Variants in SPMAP2L observed in about 807,000 individuals in gnomAD.
The protein encoded by SPMAP2L is sperm microtubule associated protein 2 like, also known as sperm microtubule associated protein 2-like.
chr4:56,568,224 T>G, the SPMAP2L span, among the ~76,000 whole-genome samples: 16 of 152,238 alleles, frequency 1.1e-4, no homozygotes, highest in Non-Finnish European at 2.2e-4. Flanking sequence ...TTACAATAGC[T>G]GTTTTAATGT....
At chr4:56,531,420 T>C in the SPMAP2L span, among the ~76,000 whole-genome samples, 1 of 152,214 alleles carries the variant, frequency 6.6e-6, no homozygotes, top group African/African-American at 2.4e-5. Flanking sequence ...TGTCTTCCAC[T>C]GCTATCTAAT....
chr4:56,589,966 AAC>A, the SPMAP2L span, among the ~76,000 whole-genome samples: 3 of 152,180 alleles, frequency 2.0e-5, no homozygotes, highest in African/African-American at 4.8e-5. Context: ...TGCAAACAGT[AAC>A]AGTTTGACTT....
At chr4:56,595,735 A>C in the SPMAP2L span, 48 of 909,410 alleles carry the variant, frequency 5.3e-5, no homozygotes, top group Non-Finnish European at 8.4e-5. Context: ...TCTCTCCCTA[A>C]GTTTAAAGGA....
the SPMAP2L span, among the ~76,000 whole-genome samples, chr4:56,596,326 G>A: frequency 6.6e-6 from 1 of 152,176 alleles, no homozygotes; most frequent in Non-Finnish European, 1.5e-5. Context: ...TCTTGTTTGA[G>A]AAAGATAGAA....
At chr4:56,544,684 A>C in the SPMAP2L span, among the ~76,000 whole-genome samples, 2 of 151,926 alleles carry the variant, frequency 1.3e-5, no homozygotes, top group African/African-American at 4.8e-5. Flanking sequence ...CGAGCCCCGC[A>C]GCCCTCCAGC....
chr4:56,543,361 A>G, the SPMAP2L span, among the ~76,000 whole-genome samples: 43,871 of 151,894 alleles, frequency 0.29, 6,515 homozygotes, highest in East Asian at 0.45. Flanking sequence ...CGGATTACAG[A>G]CGTGAGCCAC....
chr4:56,604,184 T>C, the SPMAP2L span, among the ~76,000 whole-genome samples: 1 of 152,184 alleles, frequency 6.6e-6, no homozygotes, highest in African/African-American at 2.4e-5. Context: ...TGGAATCAGA[T>C]AGAACCTGAA....
At chr4:56,575,807 A>C in the SPMAP2L span, among the ~76,000 whole-genome samples, 1 of 152,218 alleles carries the variant, frequency 6.6e-6, no homozygotes, top group Non-Finnish European at 1.5e-5. Flanking sequence ...AGGTAATCAG[A>C]AGTTCATCTT....
the SPMAP2L span, among the ~76,000 whole-genome samples, chr4:56,547,106 C>T: frequency 0.024 from 3,685 of 152,214 alleles, 148 homozygotes; most frequent in African/African-American, 0.078. Flanking sequence ...TCCTACAGTG[C>T]TCTATTTAAG....
At chr4:56,581,847 G>C in the SPMAP2L span, among the ~76,000 whole-genome samples, 1 of 152,156 alleles carries the variant, frequency 6.6e-6, no homozygotes, top group African/African-American at 2.4e-5. Flanking sequence ...AAACAGAATT[G>C]ATAGTGCAGA....
the SPMAP2L span, among the ~76,000 whole-genome samples, chr4:56,541,150 AC>A: frequency 2.6e-5 from 4 of 152,220 alleles, no homozygotes; most frequent in African/African-American, 9.6e-5. Context: ...TTTTAATATA[AC>A]TGCTTAATTT....
At chr4:56,559,476 C>T in the SPMAP2L span, 28 of 1,532,798 alleles carry the variant, frequency 1.8e-5, no homozygotes, top group African/African-American at 2.9e-4. Context: ...GACTTGAGAA[C>T]CTTGCCCAGC....
the SPMAP2L span, chr4:56,595,524 A>G: frequency 8.0e-6 from 12 of 1,506,846 alleles, no homozygotes; most frequent in Middle Eastern, 1.8e-4. Context: ...CCTGCGTTAT[A>G]TCTTCCCACT....
chr4:56,571,864 C>T, the SPMAP2L span, among the ~76,000 whole-genome samples: 6 of 152,040 alleles, frequency 3.9e-5, no homozygotes, highest in Non-Finnish European at 5.9e-5. Flanking sequence ...TACAAACAAA[C>T]ATTAGCCTAA....
At chr4:56,563,259 AT>A in the SPMAP2L span, among the ~76,000 whole-genome samples, 538 of 135,372 alleles carry the variant, frequency 4.0e-3, no homozygotes, top group Admixed American at 5.2e-3. Context: ...TACCCGGCTA[AT>A]TTTTTTTTTT....
the SPMAP2L span, among the ~76,000 whole-genome samples, chr4:56,615,047 A>AG: frequency 6.6e-6 from 1 of 152,212 alleles, no homozygotes; most frequent in African/African-American, 2.4e-5. Context: ...GCTATTTGAG[A>AG]GGGGCATTGC....
the SPMAP2L span, among the ~76,000 whole-genome samples, chr4:56,549,120 C>A: frequency 9.2e-5 from 14 of 151,826 alleles, no homozygotes; most frequent in African/African-American, 3.1e-4. Flanking sequence ...TCCTGAGTAG[C>A]TGGGATTACG....
At chr4:56,571,102 CCTTTA>C in the SPMAP2L span, among the ~76,000 whole-genome samples, 7 of 150,366 alleles carry the variant, frequency 4.7e-5, no homozygotes, top group Non-Finnish European at 8.9e-5. Context: ...CCACACCTGG[CCTTTA>C]CTTTATAAGC....
the SPMAP2L span, among the ~76,000 whole-genome samples, chr4:56,599,174 A>G: frequency 6.6e-6 from 1 of 151,972 alleles, no homozygotes; most frequent in Non-Finnish European, 1.5e-5. Context: ...TATATACACA[A>G]TAATATGTAA....
Sources: allele counts gnomAD v4.1 joint callset (sites outside exome capture counted in the v4.1 genomes callset), GRCh38; gene constraint gnomAD v4.1.1; transcripts MANE v1.5; gene names NCBI Gene and HGNC (gene_info 2026-07-23, HGNC 2026-07-21).